EML6: variants seen among roughly 807,000 people sequenced by gnomAD.
The protein encoded by EML6 is EMAP like 6.
In EML6, 154 loss-of-function variants were observed where a neutral mutation model predicts 240.1. The observed-to-expected ratio is 0.64, with a 90% CI of 0.56 to 0.73. The LOEUF (loss-of-function observed/expected upper bound fraction) is 0.73, where lower values mean the gene tolerates loss of function less well. Among genes scored for constraint, EML6 ranks in the 30% least tolerant of loss-of-function variants. The pLI is 0.00. For missense variants in EML6, 2,964 were observed against 2,474.6 expected (o/e 1.20, Z -4.20); for synonymous variants, 1,148 against 899.0 (o/e 1.28, Z -4.95).
chr2:54,814,671 C>G (rs1350593492), intron 3 of EML6, among the ~76,000 whole-genome samples: 3 of 152,202 alleles, frequency 2.0e-5, no homozygotes, highest in Non-Finnish European at 4.4e-5. Context: ...AACTGAAAGT[C>G]TGTGGGAAAT....
intron 28 of EML6, among the ~76,000 whole-genome samples, chr2:54,934,145 C>A (rs1371932159): frequency 6.6e-6 from 1 of 152,112 alleles, no homozygotes; most frequent in Non-Finnish European, 1.5e-5. Context: ...AAAATACCAG[C>A]AGTCAGGATA....
At chr2:54,846,235 G>T (rs1669745072) in intron 8 of EML6, among the ~76,000 whole-genome samples, 1 of 152,102 alleles carries the variant, frequency 6.6e-6, no homozygotes, top group South Asian at 2.1e-4. Context: ...GATATCATTT[G>T]CTCTTCTTCA....
chr2:54,821,179 T>G (rs572752155), intron 5 of EML6, among the ~76,000 whole-genome samples: 37 of 152,274 alleles, frequency 2.4e-4, no homozygotes, highest in African/African-American at 8.9e-4. Context: ...ATGCATGGAT[T>G]CTGTACAAAA....
At chr2:54,850,255 C>G in intron 10 of EML6, 37 bp downstream of exon 10, 2 of 1,534,346 alleles carry the variant, frequency 1.3e-6, no homozygotes, top group Non-Finnish European at 8.8e-7. Flanking sequence ...TTCTGGAAAG[C>G]AAAATTTTGA....
At chr2:54,851,360 C>T (rs772321078) in intron 10 of EML6, among the ~76,000 whole-genome samples, 10 of 152,166 alleles carry the variant, frequency 6.6e-5, no homozygotes, top group Non-Finnish European at 1.5e-4. Context: ...TTGCAGCGAG[C>T]TGAGATCGCA....
rs941625901 is a variant in EML6 at position 54,950,695 on chromosome 2, C to G, written c.4129C>G (p.Arg1377Gly). 1.4e-5 allele frequency: 22 copies of G among 1,551,594 alleles called. No individual in the cohort carries two copies. The highest frequency in any genetic ancestry group is 4.9e-5 in the East Asian group (2 of 40,930). ...HVFGYRGFDC[R>G]NNLHYLNDGA... is the part of the protein sequence containing the mutation. ...GTTTGGCTACAGAGGTTTCGACTGT[C>G]GAAATAACCTGCATTACCTTAATGA... Residue 1377 changes from arginine to glycine, a missense_variant, in exon 30 of 42, where the codon CGA becomes GGA. Arg to Gly is a moderately radical substitution (Grantham distance 125). Coordinates refer to ENST00000356458, the MANE Select transcript of EML6 (RefSeq NM_001039753.4).
chr2:54,902,688 T>G (rs2104218306), intron 22 of EML6, among the ~76,000 whole-genome samples: 1 of 152,332 alleles, frequency 6.6e-6, no homozygotes, highest in Non-Finnish European at 1.5e-5. Context: ...CATAAGCCAC[T>G]GCACCTAGCT....
chr2:54,858,140 T>A (rs1384934506), intron 11 of EML6, among the ~76,000 whole-genome samples: 1 of 152,192 alleles, frequency 6.6e-6, no homozygotes, highest in Non-Finnish European at 1.5e-5. Context: ...ATTCGCTTCT[T>A]CCAAGATGGC....
Position 54,959,089 on chromosome 2 carries a change from T to A in EML6, c.4696-15T>A. On this transcript the variant is annotated splice_polypyrimidine_tract_variant and intron_variant, in intron 33 of 41. Coordinates refer to ENST00000356458, the MANE Select transcript of EML6 (RefSeq NM_001039753.4). ...GAGTGTGTTCCGGGTGTAGAAGATG[T>A]TGTTTTGTTTACAGAACAATCTCAC... 15 of 1,546,158 alleles carry A rather than the reference T, an allele frequency of 9.7e-6. No individual in the cohort carries two copies. The highest frequency in any genetic ancestry group is 1.3e-5 in the Non-Finnish European group (15 of 1,144,224).
At chr2:54,887,201 C>T (rs1021944837) in intron 17 of EML6, among the ~76,000 whole-genome samples, 1 of 152,194 alleles carries the variant, frequency 6.6e-6, no homozygotes, top group Non-Finnish European at 1.5e-5. Flanking sequence ...TTTCATTATA[C>T]AGCTCCCCAT....
At position 54,801,902 on chromosome 2, in the gene EML6, TA is replaced by T. The variant is rs1002495166; in HGVS notation, c.198-11329del. On this transcript the variant is annotated intron_variant, in intron 2 of 41. Coordinates refer to ENST00000356458, the MANE Select transcript of EML6 (RefSeq NM_001039753.4). ...GGATAACGATTTCTTGAACTACTGT[TA>T]TCAAGAATAAGTGGTATTTTTCATG... Among the ~76,000 whole-genome samples, 45 of 152,338 alleles carry T rather than the reference TA, an allele frequency of 3.0e-4. 1 individual carries two copies. Among genetic ancestry groups the T allele is most frequent in the African/African-American group, 1.1e-3 (44 of 41,578 alleles).
Position 54,967,037 on chromosome 2 carries a change from T to C in EML6, c.5531T>C (p.Val1844Ala). 6.4e-7 allele frequency: 1 copy of C among 1,551,100 alleles called. No homozygotes were observed. The change falls in exon 39 of 42, where the codon GTC (valine) becomes GCC (alanine). Residue 1844 changes from valine (V) to alanine (A), a missense_variant. Coordinates refer to ENST00000356458, the MANE Select transcript of EML6 (RefSeq NM_001039753.4). The stretch of plus-strand genomic sequence containing the variant: ...GCCTATAAGCGCCAGGTGCATGAGG[T>C]CCCCCTGGGGAAGCAGGTAACTGAA... ...TGAYKRQVHE[V>A]PLGKQVTEAV...
chr2:54,776,738 A>C (rs1169035462), intron 2 of EML6, among the ~76,000 whole-genome samples: 1 of 149,818 alleles, frequency 6.7e-6, no homozygotes, highest in Non-Finnish European at 1.5e-5. Flanking sequence ...GTGCCACCCC[A>C]CCCCCACGTC....
chr2:54,844,622 C>A (rs987820227), intron 8 of EML6, among the ~76,000 whole-genome samples: 2 of 152,156 alleles, frequency 1.3e-5, no homozygotes, highest in Non-Finnish European at 2.9e-5. Context: ...GTTAAAGGCT[C>A]TCTCATTCAT....
chr2:54,783,020 T>C (rs1668918206), intron 2 of EML6, among the ~76,000 whole-genome samples: 1 of 152,260 alleles, frequency 6.6e-6, no homozygotes, highest in Non-Finnish European at 1.5e-5. Context: ...ATTGCTGTCA[T>C]TGCCCAATTA....
chr2:54,893,080 A>G (rs1442755132), intron 19 of EML6, among the ~76,000 whole-genome samples: 1 of 152,176 alleles, frequency 6.6e-6, no homozygotes, highest in Non-Finnish European at 1.5e-5. Flanking sequence ...ATTTGCATCC[A>G]TAACCAACTT....
rs188742276 is a variant in EML6, at chr2:54,908,915, T to C, written c.3410-2039T>C. On this transcript the variant is annotated intron_variant, in intron 24 of 41. Coordinates refer to ENST00000356458, the MANE Select transcript of EML6 (RefSeq NM_001039753.4). ...GGGGGCAGTTCTCGGGGAAGGGGCA[T>C]GTGCTAGATAGGGGACCCTACAAGC... 7.2e-5 allele frequency among the ~76,000 whole-genome samples: 11 copies of C among 152,294 alleles called. No homozygotes were observed. The East Asian group carries it at 1.7e-3, about 24-fold the overall frequency.
At chr2:54,881,472 T>A (rs1671804658) in intron 17 of EML6, 1 of 151,804 alleles carries the variant, frequency 6.6e-6, no homozygotes, top group Non-Finnish European at 1.5e-5. Context: ...CTGGCCAACA[T>A]GGTGAAACCC....
Position 54,914,731 on chromosome 2 carries a change from A to G in EML6, c.3499-2028A>G, listed in dbSNP as rs144412329. ...AGCTCATCATGTTAGTCCCAATATTATAAGGCCCTTTGACTGAGCATGAGG... is the reference window on the plus strand; with the variant it reads ...AGCTCATCATGTTAGTCCCAATATTGTAAGGCCCTTTGACTGAGCATGAGG... On this transcript the variant is annotated intron_variant, in intron 25 of 41. Coordinates refer to ENST00000356458, the MANE Select transcript of EML6 (RefSeq NM_001039753.4). Among the ~76,000 whole-genome samples the G allele has an allele frequency of 7.6e-3, 1,151 of 152,274 alleles. 7 individuals carry two copies. The highest frequency in any genetic ancestry group is 0.015 in the South Asian group (70 of 4,826).
Sources: allele counts gnomAD v4.1 joint callset (sites outside exome capture counted in the v4.1 genomes callset), GRCh38; gene constraint gnomAD v4.1.1; transcripts MANE v1.5; gene names NCBI Gene and HGNC (gene_info 2026-07-23, HGNC 2026-07-21).